Variants in EPHA3 observed in about 807,000 individuals in gnomAD.
The protein encoded by EPHA3 is EPH receptor A3, also known as ephrin type-A receptor 3.
Under a neutral mutation model 107.1 loss-of-function variants are expected in EPHA3, and 42 were observed. The ratio of observed to expected loss-of-function variants is 0.39; its 90% CI spans 0.31 to 0.51. The LOEUF (loss-of-function observed/expected upper bound fraction) is 0.51. Among genes scored for constraint, EPHA3 ranks in the 20% least tolerant of loss-of-function variants. The pLI is 0.78. For synonymous variants in EPHA3, 461 were observed against 424.8 expected (o/e 1.09, Z -1.05); for missense variants, 1,183 against 1,211.2 (o/e 0.98, Z 0.35).
At chr3:89,382,103 T>G (rs1481700100) in intron 5 of EPHA3, among the ~76,000 whole-genome samples, 1 of 152,160 alleles carries the variant, frequency 6.6e-6, no homozygotes, top group African/African-American at 2.4e-5. Context: ...TTTTGCTTGC[T>G]TGAAAAAAGT....
intron 14 of EPHA3, 75 bp from the exon 15 acceptor site, chr3:89,450,102 C>T (rs546575309): frequency 8.0e-7 from 1 of 1,249,510 alleles, no homozygotes; most frequent in East Asian, 2.5e-5. Flanking sequence ...TTTGTGAGCC[C>T]CGCCCATGAA....
chr3:89,234,297 C>G (rs1472908306), intron 3 of EPHA3, among the ~76,000 whole-genome samples: 1 of 152,054 alleles, frequency 6.6e-6, no homozygotes, highest in African/African-American at 2.4e-5. Context: ...TTACTGGAAC[C>G]AAACATTCTG....
At chr3:89,196,898 T>C (rs1705849014) in intron 2 of EPHA3, among the ~76,000 whole-genome samples, 1 of 152,186 alleles carries the variant, frequency 6.6e-6, no homozygotes, top group Admixed American at 6.5e-5. Flanking sequence ...TTTTGGAATC[T>C]GTTATTTTCT....
At chr3:89,186,103 C>T (rs886362580) in intron 2 of EPHA3, among the ~76,000 whole-genome samples, 4 of 150,546 alleles carry the variant, frequency 2.7e-5, no homozygotes, top group African/African-American at 9.8e-5. Context: ...TGGTACATGT[C>T]TACTGTTTGT....
chr3:89,318,197 A>G (rs1706956254), intron 3 of EPHA3, among the ~76,000 whole-genome samples: 1 of 151,930 alleles, frequency 6.6e-6, no homozygotes, highest in African/African-American at 2.4e-5. Flanking sequence ...TGGTCATAAA[A>G]GACCATAATA....
At chr3:89,125,029 C>T (rs1310346005) in intron 1 of EPHA3, among the ~76,000 whole-genome samples, 1 of 151,820 alleles carries the variant, frequency 6.6e-6, no homozygotes, top group East Asian at 1.9e-4. Flanking sequence ...CATTAGTTGA[C>T]AACCTACATT....
intron 3 of EPHA3, among the ~76,000 whole-genome samples, chr3:89,308,347 T>C (rs1283858839): frequency 4.6e-5 from 7 of 151,942 alleles, no homozygotes; most frequent in Non-Finnish European, 8.8e-5. Flanking sequence ...AAGAGCAAAA[T>C]AGTTTGAGAA....
chr3:89,363,213 G>T (rs1265693431), intron 5 of EPHA3, among the ~76,000 whole-genome samples: 2 of 150,662 alleles, frequency 1.3e-5, no homozygotes, highest in African/African-American at 4.8e-5. Context: ...TAGAGAGGGG[G>T]CAGGGAAAGA....
chr3:89,175,981 C>T (rs1705313346), intron 2 of EPHA3, among the ~76,000 whole-genome samples: 1 of 152,058 alleles, frequency 6.6e-6, no homozygotes, highest in South Asian at 2.1e-4. Context: ...TCTTGTGCAA[C>T]TTTGCTTTTA....
intron 3 of EPHA3, among the ~76,000 whole-genome samples, chr3:89,231,395 A>G (rs994639384): frequency 6.6e-6 from 1 of 152,164 alleles, no homozygotes; most frequent in Non-Finnish European, 1.5e-5. Flanking sequence ...AACAACCTAG[A>G]TTTTAGGTAA....
At chr3:89,229,077 T>C (rs1476028641) in intron 3 of EPHA3, among the ~76,000 whole-genome samples, 1 of 152,012 alleles carries the variant, frequency 6.6e-6, no homozygotes, top group Non-Finnish European at 1.5e-5. Flanking sequence ...TCTTCTCATT[T>C]TTCTGAAATC....
intron 10 of EPHA3, among the ~76,000 whole-genome samples, chr3:89,417,793 TA>T (rs1188221899): frequency 6.6e-6 from 1 of 151,528 alleles, no homozygotes; most frequent in African/African-American, 2.4e-5. Flanking sequence ...CTGTGTGTTT[TA>T]TACTGTATGC....
At chr3:89,280,022 C>T (rs1434141958) in intron 3 of EPHA3, among the ~76,000 whole-genome samples, 1 of 142,626 alleles carries the variant, frequency 7.0e-6, no homozygotes, top group Non-Finnish European at 1.5e-5. Context: ...TTCTTGTGTG[C>T]ACCTGTGTGT....
Position 89,118,868 on chromosome 3 carries a change from TATAAC to T in EPHA3, c.89-8337_89-8333del, listed in dbSNP as rs1223429287. Among the ~76,000 whole-genome samples, 7 of 152,106 alleles carry T rather than the reference TATAAC, an allele frequency of 4.6e-5. No individual in the cohort carries two copies. In the South Asian group the frequency reaches 6.2e-4, roughly 14 times the overall value. On this transcript the variant is annotated intron_variant, in intron 1 of 16. Transcript: ENST00000336596. ...AAATAAATACTTATATAAAAATTGT[TATAAC>T]ATAGATATGAAAATTATGAAAATAT...
intron 11 of EPHA3, among the ~76,000 whole-genome samples, chr3:89,423,214 C>T (rs562374450): frequency 6.6e-6 from 1 of 151,470 alleles, no homozygotes; most frequent in Admixed American, 6.6e-5. Context: ...TTAAGTGTAA[C>T]TTTGCATTAT....
chr3:89,182,135 G>T (rs1255587227), intron 2 of EPHA3, among the ~76,000 whole-genome samples: 12 of 149,800 alleles, frequency 8.0e-5, no homozygotes, highest in African/African-American at 2.0e-4. Flanking sequence ...ACTTTAATTG[G>T]TTTTTTCTCC....
At position 89,359,628 on chromosome 3, in the gene EPHA3, A is replaced by G. The variant is rs1708043211; in HGVS notation, c.1306+17538A>G. On this transcript the variant is annotated intron_variant, in intron 5 of 16. Coordinates refer to ENST00000336596, the MANE Select transcript of EPHA3 (RefSeq NM_005233.6). ...TTCAGATAATATATATTCCTCTACT[A>G]TCAGTAGCCATTTCTTCTTTAGATG... Among the ~76,000 whole-genome samples the G allele has an allele frequency of 3.3e-5, 5 of 149,572 alleles. No individual in the cohort carries two copies. In the East Asian group the frequency reaches 7.8e-4, roughly 23 times the overall value.
rs562439210 is a variant in EPHA3, at chr3:89,403,522, T to C, written c.1595-3747T>C. Among the ~76,000 whole-genome samples, 49 of 151,892 alleles carry C rather than the reference T, an allele frequency of 3.2e-4. No homozygotes were observed. The South Asian group carries it at 1.0e-2, about 31-fold the overall frequency. ...AAAAAAAATACTAAGCTAAGACCCA[T>C]AGAAAGCATGGAGTATAAAAGAGTA... On this transcript the variant is annotated intron_variant, in intron 7 of 16. Coordinates refer to ENST00000336596, the MANE Select transcript of EPHA3 (RefSeq NM_005233.6).
chr3:89,259,343 C>G (rs1311541897), intron 3 of EPHA3, among the ~76,000 whole-genome samples: 1 of 152,068 alleles, frequency 6.6e-6, no homozygotes, highest in African/African-American at 2.4e-5. Context: ...TTATGTCCAT[C>G]ATCTGTCTTT....
Sources: gnomAD v4.1 joint callset for allele counts (sites outside exome capture counted in the v4.1 genomes callset) on GRCh38, gnomAD v4.1.1 for gene constraint, MANE v1.5 for transcripts, NCBI Gene and HGNC (gene_info 2026-07-23, HGNC 2026-07-21) for gene names.